DTNB: variants seen among roughly 807,000 people sequenced by gnomAD.
DTNB encodes the protein dystrobrevin beta, also known as DTN-B.
In DTNB, 63 loss-of-function variants were observed where a neutral mutation model predicts 90.7. The ratio of observed to expected loss-of-function variants is 0.69; its 90% confidence interval spans 0.57 to 0.86. The LOEUF (loss-of-function observed/expected upper bound fraction) is 0.86, where lower values mean the gene tolerates loss of function less well. Ranked by LOEUF, DTNB falls within the 40% of genes least tolerant of loss-of-function variation. DTNB has a pLI of 0.00. For synonymous variants in DTNB, 277 were observed against 286.7 expected (o/e 0.97, Z 0.34); for missense variants, 744 against 807.1 (o/e 0.92, Z 0.95).
intron 8 of DTNB, among the ~76,000 whole-genome samples, chr2:25,535,989 A>ACAAT (rs796425634): frequency 7.7e-6 from 1 of 129,188 alleles, no homozygotes. Context: ...CACCTCCCAG[A>ACAAT]GGGGGCGGCC....
intron 12 of DTNB, among the ~76,000 whole-genome samples, chr2:25,450,255 C>T (rs1370016578): frequency 6.6e-6 from 1 of 152,090 alleles, no homozygotes; most frequent in Non-Finnish European, 1.5e-5. Context: ...CTTTTCTTCC[C>T]TGTGTAGATA....
chr2:25,396,089 T>C (rs2042288943), intron 16 of DTNB, among the ~76,000 whole-genome samples: 1 of 152,030 alleles, frequency 6.6e-6, no homozygotes, highest in East Asian at 1.9e-4. Context: ...TATTCAGTCA[T>C]AAAAAGGAAC....
chr2:25,546,171 T>C (rs1216360546), intron 8 of DTNB, among the ~76,000 whole-genome samples: 1 of 152,072 alleles, frequency 6.6e-6, no homozygotes, highest in East Asian at 1.9e-4. Flanking sequence ...CATCAACCAA[T>C]CAGAACTAGG....
chr2:25,442,517 C>A (rs778245981), intron 12 of DTNB, among the ~76,000 whole-genome samples: 2 of 152,170 alleles, frequency 1.3e-5, no homozygotes, highest in African/African-American at 4.8e-5. Flanking sequence ...CATCCAAGGT[C>A]GATGCGCTGC....
At chr2:25,493,241 C>T (rs894771511) in intron 9 of DTNB, among the ~76,000 whole-genome samples, 4 of 152,044 alleles carry the variant, frequency 2.6e-5, no homozygotes, top group African/African-American at 9.7e-5. Flanking sequence ...TTTGTATTCC[C>T]CATAATAATG....
At chr2:25,495,216 C>T (rs1427837039) in intron 9 of DTNB, among the ~76,000 whole-genome samples, 1 of 152,148 alleles carries the variant, frequency 6.6e-6, no homozygotes, top group Non-Finnish European at 1.5e-5. Context: ...CAGGCACATG[C>T]CACCACACCA....
At chr2:25,436,521 T>G (rs1202238725) in intron 12 of DTNB, among the ~76,000 whole-genome samples, 7 of 152,086 alleles carry the variant, frequency 4.6e-5, no homozygotes, top group Admixed American at 4.6e-4. Flanking sequence ...GTCTAGAGCA[T>G]GAAGATTCAG....
chr2:25,496,775 C>T (rs982969551), intron 9 of DTNB, among the ~76,000 whole-genome samples: 1 of 150,138 alleles, frequency 6.7e-6, no homozygotes, highest in Non-Finnish European at 1.5e-5. Flanking sequence ...CCCGGGAGGC[C>T]GATGTTGCAA....
chr2:25,572,245 A>T (rs1352801120), intron 8 of DTNB, among the ~76,000 whole-genome samples: 2 of 152,154 alleles, frequency 1.3e-5, no homozygotes, highest in African/African-American at 4.8e-5. Flanking sequence ...AGGCAGGTGG[A>T]TCACGAGGTC....
chr2:25,561,828 T>A (rs938629477), intron 8 of DTNB, among the ~76,000 whole-genome samples: 1 of 152,202 alleles, frequency 6.6e-6, no homozygotes. Context: ...TGCAGAACCA[T>A]GAACCAATTA....
intron 16 of DTNB, among the ~76,000 whole-genome samples, chr2:25,389,260 G>C (rs1181290139): frequency 6.6e-6 from 1 of 152,218 alleles, no homozygotes; most frequent in African/African-American, 2.4e-5. Context: ...TGACTCCAAG[G>C]GTGGCAGTGT....
intron 8 of DTNB, among the ~76,000 whole-genome samples, chr2:25,551,450 G>C (rs1219265765): frequency 6.6e-6 from 1 of 152,190 alleles, no homozygotes; most frequent in Non-Finnish European, 1.5e-5. Context: ...CTTGCAATGT[G>C]AGTCAACAGT....
intron 3 of DTNB, 107 bp downstream of exon 3, chr2:25,638,907 A>G: frequency 1.7e-6 from 2 of 1,148,512 alleles, no homozygotes; most frequent in Middle Eastern, 6.1e-4. Context: ...AATACTTAAG[A>G]CAAAAATAAT....
At position 25,673,428 on chromosome 2, in the gene DTNB, T is replaced by G. The variant is rs1173022407; in HGVS notation, c.-44A>C. 6.6e-6 allele frequency: 1 copy of G among 151,046 alleles called. No homozygotes were observed. The highest frequency in any genetic ancestry group is 1.9e-4 in the East Asian group (1 of 5,132). 9.4% of individuals were successfully genotyped at this position (151,046 alleles called of 1,614,324 possible). On this transcript the variant is annotated 5_prime_UTR_variant, in exon 1 of 21. Transcript: ENST00000406818. ...CGGAGCAGGGGTCGTCGGGAAGGTC[T>G]CCTGCGGCCTCACTCCTCCGCACGC... is the stretch of plus-strand genomic sequence containing the variant.
chr2:25,667,766 G>T (rs2084828337), intron 1 of DTNB, among the ~76,000 whole-genome samples: 1 of 151,996 alleles, frequency 6.6e-6, no homozygotes, highest in Non-Finnish European at 1.5e-5. Flanking sequence ...ACTCTCCTAG[G>T]TATTTTCCCA....
chr2:25,561,339 G>A (rs950908040), intron 8 of DTNB, among the ~76,000 whole-genome samples: 65 of 152,140 alleles, frequency 4.3e-4, no homozygotes, highest in African/African-American at 1.5e-3. Context: ...ATGTGTGGTG[G>A]GAGTGAAATA....
intron 8 of DTNB, among the ~76,000 whole-genome samples, chr2:25,567,714 T>C (rs2059245322): frequency 6.6e-6 from 1 of 152,134 alleles, no homozygotes; most frequent in South Asian, 2.1e-4. Flanking sequence ...GTATTTTGTA[T>C]CAATGGACAT....
chr2:25,417,483 T>C (rs964627106), intron 16 of DTNB, among the ~76,000 whole-genome samples: 4 of 152,224 alleles, frequency 2.6e-5, no homozygotes, highest in African/African-American at 9.6e-5. Flanking sequence ...TACTGGAAGC[T>C]CTACTGCTAC....
At position 25,667,543 on chromosome 2, in the gene DTNB, A is replaced by G. The variant is rs183382170; in HGVS notation, c.-2+5843T>C. The stretch of plus-strand genomic sequence containing the variant: ...AACACATGAAGAGATACACTGCAAG[A>G]AAGACAGCCAACAAAACCAATGACT... On this transcript the variant is annotated intron_variant, in intron 1 of 20. Transcript: ENST00000406818. Among the ~76,000 whole-genome samples the G allele has an allele frequency of 1.9e-3, 285 of 152,276 alleles. 2 individuals carry two copies. Among genetic ancestry groups the G allele is most frequent in the Middle Eastern group, 0.017 (5 of 294 alleles).
Sources: allele counts gnomAD v4.1 joint callset (sites outside exome capture counted in the v4.1 genomes callset), GRCh38; gene constraint gnomAD v4.1.1; transcripts MANE v1.5; gene names NCBI Gene and HGNC (gene_info 2026-07-23, HGNC 2026-07-21).